The following EVC variants were observed in gnomAD, a reference collection of about 807,000 sequenced individuals.
EVC encodes the protein evC complex member EVC.
EVC carries 116 observed loss-of-function variants against 118.9 expected under a neutral mutation model. The observed-to-expected ratio is 0.98, with a 90% CI of 0.84 to 1.14. EVC has a LOEUF of 1.14. Among genes scored for constraint, EVC ranks in the 50% most tolerant of loss-of-function variants. The probability of loss-of-function intolerance (pLI) is 0.00; values close to 1 mark genes in which losing one functional copy is unlikely to be tolerated. For synonymous variants in EVC, 619 were observed against 534.7 expected, an observed-to-expected ratio of 1.16 and a Z score of -2.18; for missense variants, 1,401 against 1,246.4, an observed-to-expected ratio of 1.12 and a Z score of -1.87.
chr4:5,716,836 G>T (rs1323234729), intron 1 of EVC, among the ~76,000 whole-genome samples: 1 of 152,122 alleles, frequency 6.6e-6, no homozygotes, highest in Non-Finnish European at 1.5e-5. Flanking sequence ...AATTTCCATG[G>T]TTGCTGTTGA....
intron 3 of EVC, among the ~76,000 whole-genome samples, chr4:5,729,893 T>C (rs1334214047): frequency 2.0e-5 from 3 of 152,210 alleles, no homozygotes; most frequent in African/African-American, 7.2e-5. Context: ...TGAGGTCACG[T>C]GACAGGAAGT....
chr4:5,809,435 T>G, intron 18 of EVC, 83 bp from the exon 19 acceptor site: 1 of 1,222,824 alleles, frequency 8.2e-7, no homozygotes. Context: ...CAGCCTCAAG[T>G]GTCAGAATTC....
rs1018040179 is a variant in EVC at position 5,746,352 on chromosome 4, G to A, written c.939+1011G>A. Among the ~76,000 whole-genome samples the A allele has an allele frequency of 1.3e-5, 2 of 152,190 alleles. No individual in the cohort carries two copies. The highest frequency in any genetic ancestry group is 2.9e-5 in the Non-Finnish European group (2 of 68,024). On this transcript the variant is annotated intron_variant, in intron 7 of 20. Transcript: ENST00000264956. This position sits in a 1 kb window ranked among gnomAD's most constrained non-coding sequence, Gnocchi z 5.8. ...CAGTAGGATGGAGAGGTGAGGAAACGTGTGAGAGAAGCTGTGGTGGTCTAC... is the reference window on the plus strand; with the variant it reads ...CAGTAGGATGGAGAGGTGAGGAAACATGTGAGAGAAGCTGTGGTGGTCTAC...
At chr4:5,824,621 A>ATAGTT in the EVC span, 2 of 950,596 alleles carry the variant, frequency 2.1e-6, no homozygotes, top group African/African-American at 3.5e-5. Context: ...TGACCTGAGA[A>ATAGTT]TAGTTTGTAC....
At chr4:5,768,075 T>TGCA (rs200296523) in intron 11 of EVC, among the ~76,000 whole-genome samples, 1 of 150,634 alleles carries the variant, frequency 6.6e-6, no homozygotes, top group Admixed American at 6.6e-5. Context: ...TGCTTGGCAT[T>TGCA]GCAGCAGCAG....
rs1368145821 is a variant in EVC at position 5,719,203 on chromosome 4, T to C, written c.175-45T>C. The C allele has an allele frequency of 3.7e-6, 6 of 1,613,472 alleles. No individual in the cohort carries two copies. The African/African-American group carries it at 8.0e-5, about 22-fold the overall frequency. The stretch of plus-strand genomic sequence containing the variant: ...TGGGGACCAGGCCGACTGACCTCAA[T>C]GTTGTGTTTCTATCCACCCCCAACT... On this transcript the variant is annotated intron_variant, in intron 1 of 20. Transcript: ENST00000264956. The surrounding 1 kb of genome is among the most constrained non-coding windows in gnomAD (Gnocchi z 4.7).
the EVC span, among the ~76,000 whole-genome samples, chr4:5,822,237 C>G: frequency 2.0e-5 from 3 of 152,192 alleles, no homozygotes; most frequent in Non-Finnish European, 4.4e-5. Context: ...TTTGTACTCC[C>G]AACTTACGGG....
chr4:5,824,277 G>C, the EVC span: 1 of 984,960 alleles, frequency 1.0e-6, no homozygotes, highest in Non-Finnish European at 1.2e-6. Context: ...TGCTGATTGA[G>C]CATCACATGA....
At position 5,731,646 on chromosome 4, in the gene EVC, G is replaced by A. The variant is rs1726838824; in HGVS notation, c.606G>A (p.Leu202=). The change falls in exon 4 of 21, where the codon CTG becomes CTA. Residue 202 remains leucine, a synonymous_variant. Coordinates refer to ENST00000264956, the MANE Select transcript of EVC (RefSeq NM_153717.3). The surrounding 1 kb of genome is among the most constrained non-coding windows in gnomAD (Gnocchi z 5.6). The part of the protein sequence containing the change: ...FLRVNAFPEV[L]ACESVDVDLC... ...GGGTGAACGCCTTCCCTGAAGTGCT[G>A]GCCTGCGAGAGGTAAGGAGAGCGGG... is the stretch of plus-strand genomic sequence containing the variant. 6.2e-7 allele frequency: 1 copy of A among 1,613,904 alleles called. No individual in the cohort carries two copies. The highest frequency in any genetic ancestry group is 1.7e-5 in the Admixed American group (1 of 59,994).
rs1041541292 is a variant in EVC, at chr4:5,742,511, T to A, written c.801+697T>A. 1.3e-5 allele frequency among the ~76,000 whole-genome samples: 2 copies of A among 152,114 alleles called. No individual in the cohort carries two copies. The highest frequency in any genetic ancestry group is 2.9e-5 in the Non-Finnish European group (2 of 68,012). ...AGTTCTCTTCTTCATCATGTCATTG[T>A]TGTCATCACCATAAACACCATCATC... On this transcript the variant is annotated intron_variant, in intron 6 of 20. Coordinates refer to ENST00000264956, the MANE Select transcript of EVC (RefSeq NM_153717.3). This position sits in a 1 kb window ranked among gnomAD's most constrained non-coding sequence, Gnocchi z 5.2.
chr4:5,775,795 G>A (rs1485133445), intron 11 of EVC, among the ~76,000 whole-genome samples: 2 of 152,114 alleles, frequency 1.3e-5, no homozygotes, highest in Non-Finnish European at 2.9e-5. Flanking sequence ...AAGAGTGGAA[G>A]TATTGGATTA....
chr4:5,771,195 G>A (rs1329230089), intron 11 of EVC, among the ~76,000 whole-genome samples: 1 of 151,992 alleles, frequency 6.6e-6, no homozygotes, highest in Non-Finnish European at 1.5e-5. Flanking sequence ...ATCTCTCTGG[G>A]TTAAAATGAA....
At chr4:5,805,891 CTTTT>C (rs4045512) in intron 17 of EVC, among the ~76,000 whole-genome samples, 8 of 123,950 alleles carry the variant, frequency 6.5e-5, no homozygotes, top group South Asian at 2.6e-4. Flanking sequence ...AGTTTCTTTT[CTTTT>C]TTTTTTTTTT....
At chr4:5,787,905 C>T (rs1712006727) in intron 12 of EVC, among the ~76,000 whole-genome samples, 1 of 152,132 alleles carries the variant, frequency 6.6e-6, no homozygotes, top group South Asian at 2.1e-4. Context: ...TTCAGGCCTC[C>T]TCTTACTGGA....
intron 18 of EVC, 46 bp downstream of exon 18, chr4:5,808,373 G>C: frequency 6.2e-7 from 1 of 1,613,730 alleles, no homozygotes; most frequent in Non-Finnish European, 8.5e-7. Context: ...GGTTTAAAGA[G>C]GAGCAGAAAT....
chr4:5,821,876 T>C, the EVC span: 12 of 1,536,982 alleles, frequency 7.8e-6, no homozygotes, highest in South Asian at 1.2e-4. The surrounding 1 kb of genome is among the most constrained non-coding windows in gnomAD (Gnocchi z 4.4). Flanking sequence ...CAATCGCTGC[T>C]GGATGGGATC....
intron 5 of EVC, among the ~76,000 whole-genome samples, chr4:5,734,538 T>C (rs545225701): frequency 9.2e-5 from 14 of 152,058 alleles, no homozygotes; most frequent in African/African-American, 3.4e-4. Flanking sequence ...GTGCCTATAG[T>C]CCTAGGTACT....
intron 11 of EVC, among the ~76,000 whole-genome samples, chr4:5,776,619 G>C (rs1052824662): frequency 1.3e-5 from 2 of 152,088 alleles, no homozygotes; most frequent in East Asian, 3.8e-4. Context: ...CGATCCTTCA[G>C]AGACTCCAAT....
chr4:5,804,608 G>A (rs1254071463), intron 16 of EVC, 122 bp from the exon 17 acceptor site: 13 of 792,530 alleles, frequency 1.6e-5, no homozygotes, highest in East Asian at 2.6e-5. Context: ...TGTGCTGGTG[G>A]AAGGATACAC....
Sources: allele counts gnomAD v4.1 joint callset (sites outside exome capture counted in the v4.1 genomes callset), GRCh38; gene constraint gnomAD v4.1.1; non-coding constraint Gnocchi (gnomAD v3.1); transcripts MANE v1.5; gene names NCBI Gene and HGNC (gene_info 2026-07-23, HGNC 2026-07-21).